The following UTP25 variants were observed in gnomAD, a reference collection of about 807,000 sequenced individuals.
UTP25 encodes U3 small nucleolar RNA-associated protein 25 homolog.
UTP25 carries 50 observed loss-of-function variants against 78.9 expected under a neutral mutation model. That is an observed-to-expected ratio of 0.63 (90% CI 0.50 to 0.80). UTP25 has a LOEUF of 0.80. Among genes scored for constraint, UTP25 ranks in the 30% least tolerant of loss-of-function variants. The probability of loss-of-function intolerance (pLI) is 0.00; values close to 1 mark genes in which losing one functional copy is unlikely to be tolerated. For missense variants in UTP25, 846 were observed against 911.3 expected, an observed-to-expected ratio of 0.93 and a Z score of 0.92; for synonymous variants, 329 against 336.5, an observed-to-expected ratio of 0.98 and a Z score of 0.24.
chr1:209,833,341 C>G lies in UTP25; in HGVS notation c.545C>G (p.Ser182Cys). The G allele has an allele frequency of 1.9e-6, 3 of 1,576,032 alleles. No individual in the cohort carries two copies. The highest frequency in any genetic ancestry group is 2.6e-6 in the Non-Finnish European group (3 of 1,164,882). Residue 182 changes from serine to cysteine, a missense_variant, in exon 4 of 12, where the codon TCT (serine) becomes TGT (cysteine). By Grantham distance (112) the Ser-to-Cys change is moderately radical. Coordinates refer to ENST00000491415, the MANE Select transcript of UTP25 (RefSeq NM_014388.7). The stretch of plus-strand genomic sequence containing the variant: ...GAAGAGGAAAGTGGAGACAACTCTT[C>G]TTTGAAAGCCTCTCAAGGTCATAGC... ...FLEEESGDNS[S>C]LKASQDPFLQ... is the part of the protein sequence containing the mutation.
chr1:209,831,077 C>A (rs1195673301), intron 3 of UTP25, 34 bp downstream of exon 3: 4 of 1,608,828 alleles, frequency 2.5e-6, no homozygotes, highest in Non-Finnish European at 3.4e-6. Context: ...ATCATCTTTG[C>A]CAGAACTATA....
rs1158504259 is a variant in UTP25 at position 209,830,810 on chromosome 1, G to A, written c.155G>A (p.Ser52Asn). 3.7e-6 allele frequency: 6 copies of A among 1,612,884 alleles called. No homozygotes were observed. The highest frequency in any genetic ancestry group is 5.1e-6 in the Non-Finnish European group (6 of 1,179,060). ...TTCTCCTTTTCCTTTTAGTCAGAGA[G>A]TTCAGATTCTTCAGATTCTGAAAGC... Reference protein sequence around the residue: ...AKPQICQLSESSDSSDSESDS... With the variant: ...AKPQICQLSENSDSSDSESDS... The change falls in exon 3 of 12, where the codon AGT becomes AAT. Residue 52 changes from serine to asparagine, a missense_variant. By Grantham distance (46) the Ser-to-Asn change is conservative. Transcript: ENST00000491415.
chr1:209,857,410 T>C lies in UTP25; in HGVS notation c.*5963T>C, dbSNP rs4844496. The C allele has an allele frequency of 6.6e-6, 1 of 152,062 alleles. No homozygotes were observed. Among genetic ancestry groups the C allele is most frequent in the African/African-American group, 2.4e-5 (1 of 41,412 alleles). The allele number at this position is 152,062 out of a possible 1,614,324, so 9.4% of individuals were successfully genotyped here. A position where few individuals can be genotyped will look rare whatever the true frequency, so the allele number is the denominator to read the frequency against. ...CCCATGCCCATTCCACAAATACAAG[T>C]GAAATAGTGAAAAACAAAAATCAAA... On this transcript the variant is annotated 3_prime_UTR_variant, in exon 12 of 12. Transcript: ENST00000491415.
chr1:209,833,153 A>G, intron 3 of UTP25, 32 bp from the exon 4 acceptor site: 1 of 1,584,454 alleles, frequency 6.3e-7, no homozygotes, highest in Non-Finnish European at 8.6e-7. Flanking sequence ...TTGTGAGTAA[A>G]TAATTTTATA....
chr1:209,842,683 T>C lies in UTP25; in HGVS notation c.1769T>C (p.Val590Ala), dbSNP rs1271545365. 1 of 1,611,542 alleles carries C rather than the reference T, an allele frequency of 6.2e-7. No homozygotes were observed. The highest frequency in any genetic ancestry group is 1.3e-5 in the African/African-American group (1 of 75,030). The change falls in exon 10 of 12, where the codon GTG (valine) becomes GCG (alanine). Residue 590 changes from valine to alanine, a missense_variant. Val to Ala is a moderately conservative substitution (Grantham distance 64). Coordinates refer to ENST00000491415, the MANE Select transcript of UTP25 (RefSeq NM_014388.7). ...QRMEAENLAS[V>A]IDARFNFFVN... Reference sequence around the variant, plus strand: ...ATGGAAGCTGAAAACCTAGCTTCAGTGATTGATGCCAGGTAACCCACTCCT... The same window carrying C: ...ATGGAAGCTGAAAACCTAGCTTCAGCGATTGATGCCAGGTAACCCACTCCT...
In UTP25 at chr1:209,840,773, G is replaced by T. The variant is rs2078162389; in HGVS notation, c.1283-80G>T. 1.0e-5 allele frequency: 14 copies of T among 1,340,608 alleles called. No individual in the cohort carries two copies. In the South Asian group the frequency reaches 1.4e-4, roughly 14 times the overall value. 83.0% of individuals were successfully genotyped at this position (1,340,608 alleles called of 1,614,324 possible). On this transcript the variant is annotated intron_variant, in intron 7 of 11. Transcript: ENST00000491415. ...AAAGAGATGTGGAAGCAATAGAAGTGGTGGACTGCTTTGAGAGGGTGGAAG... is the reference window on the plus strand; with the variant it reads ...AAAGAGATGTGGAAGCAATAGAAGTTGTGGACTGCTTTGAGAGGGTGGAAG...
chr1:209,845,413 A>G (rs2078191935), intron 11 of UTP25, among the ~76,000 whole-genome samples: 1 of 152,250 alleles, frequency 6.6e-6, no homozygotes, highest in Non-Finnish European at 1.5e-5. Flanking sequence ...CAAGCCCTTT[A>G]AGTGAAGTGG....
chr1:209,828,509 G>T (rs11119351), intron 1 of UTP25, among the ~76,000 whole-genome samples: 102,528 of 149,856 alleles, frequency 0.68, 35,669 homozygotes, highest in Non-Finnish European at 0.76. Flanking sequence ...TTCAAGCGAT[G>T]CTCCTGCCTC....
Position 209,830,787 on chromosome 1 carries a change from C to A in UTP25, c.148-16C>A. 6.2e-7 allele frequency: 1 copy of A among 1,609,144 alleles called. No homozygotes were observed. The highest frequency in any genetic ancestry group is 1.1e-5 in the South Asian group (1 of 90,314). ...CAATATAGTTTTTGTTCTTAAAATT[C>A]TCCTTTTCCTTTTAGTCAGAGAGTT... On this transcript the variant is annotated splice_polypyrimidine_tract_variant and intron_variant, in intron 2 of 11. Transcript: ENST00000491415.
At chr1:209,843,062 T>C (rs2078176639) in intron 10 of UTP25, 1 of 330,242 alleles carries the variant, frequency 3.0e-6, no homozygotes, top group South Asian at 4.0e-5. Context: ...CCCCTTTTTC[T>C]TCATTGTGTT....
chr1:209,831,155 A>G (rs965515797), intron 3 of UTP25, 112 bp downstream of exon 3: 5 of 1,115,060 alleles, frequency 4.5e-6, no homozygotes, highest in Non-Finnish European at 6.4e-6. Flanking sequence ...ATGAATCCAA[A>G]ATAGGGATTT....
At chr1:209,843,307 C>G in intron 10 of UTP25, 144 bp from the exon 11 acceptor site, 1 of 930,284 alleles carries the variant, frequency 1.1e-6, no homozygotes, top group Non-Finnish European at 1.6e-6. Context: ...CTTACATAAT[C>G]TCTTTGAGAG....
intron 8 of UTP25, 82 bp downstream of exon 8, chr1:209,841,137 T>C (rs2078165134): frequency 6.9e-7 from 1 of 1,444,432 alleles, no homozygotes; most frequent in South Asian, 1.2e-5. Context: ...TCCTAAAGAA[T>C]TATTTAAGTC....
At chr1:209,835,393 G>A (rs2078127640) in intron 5 of UTP25, among the ~76,000 whole-genome samples, 1 of 152,218 alleles carries the variant, frequency 6.6e-6, no homozygotes, top group Non-Finnish European at 1.5e-5. Context: ...ATGGGTAAGA[G>A]TGGATTTGGA....
Position 209,835,135 on chromosome 1 carries a change from C to G in UTP25, c.623C>G (p.Thr208Arg). The change falls in exon 5 of 12, where the codon ACA becomes AGA. Residue 208 changes from threonine to arginine, a missense_variant. By Grantham distance (71) the Thr-to-Arg change is moderately conservative. Transcript: ENST00000491415. ...GAAAAAGCAATTCAGGCTGTTGCCA[C>G]AAATCCCAAAACTACCCACGAGCTT... ...LKEKAIQAVA[T>R]NPKTTHELKW... The G allele has an allele frequency of 6.2e-7, 1 of 1,613,788 alleles. No individual in the cohort carries two copies. Among genetic ancestry groups the G allele is most frequent in the Non-Finnish European group, 8.5e-7 (1 of 1,179,738 alleles).
At position 209,851,175 on chromosome 1, in the gene UTP25, A is replaced by T. The variant is rs747141793; in HGVS notation, c.2028-29A>T. The T allele has an allele frequency of 6.3e-6, 10 of 1,596,314 alleles. No individual in the cohort carries two copies. The East Asian group carries it at 2.2e-4, about 36-fold the overall frequency. On this transcript the variant is annotated intron_variant, in intron 11 of 11. Transcript: ENST00000491415. ...TTTCTAGAACTTGTTTCTCAAGTTG[A>T]CATAGCTCTTTCTTTCCAATTCTGA...
At chr1:209,831,109 G>C in intron 3 of UTP25, 66 bp downstream of exon 3, 12 of 1,548,576 alleles carry the variant, frequency 7.7e-6, no homozygotes, top group Non-Finnish European at 9.7e-6. Context: ...TCATGAGCAT[G>C]GTACCTTATA....
In UTP25 at chr1:209,833,183, A is replaced by C. The variant is rs1311992180; in HGVS notation, c.389-2A>C. 1 of 1,607,908 alleles carries C rather than the reference A, an allele frequency of 6.2e-7. No homozygotes were observed. The highest frequency in any genetic ancestry group is 8.5e-7 in the Non-Finnish European group (1 of 1,178,366). On this transcript the variant is annotated splice_acceptor_variant, in intron 3 of 11. Coordinates refer to ENST00000491415, the MANE Select transcript of UTP25 (RefSeq NM_014388.7). LOFTEE classifies it high-confidence loss of function. The stretch of plus-strand genomic sequence containing the variant: ...TTTATAAAATGTTTCTCAAAACTGC[A>C]GATGTAGCTTTATCTGCTGACCCTG...
At chr1:209,830,347 A>G (rs1558050902) in intron 2 of UTP25, among the ~76,000 whole-genome samples, 200 bp downstream of exon 2, 1 of 152,204 alleles carries the variant, frequency 6.6e-6, no homozygotes, top group Non-Finnish European at 1.5e-5. Context: ...ACAGTTTGAA[A>G]TTGTCCCAGG....
Sources: allele counts gnomAD v4.1 joint callset (sites outside exome capture counted in the v4.1 genomes callset), GRCh38; gene constraint gnomAD v4.1.1; transcripts MANE v1.5; gene names NCBI Gene and HGNC (gene_info 2026-07-23, HGNC 2026-07-21).